The following HACE1 variants were observed in gnomAD, a reference collection of about 807,000 sequenced individuals.
HACE1 encodes E3 ubiquitin-protein ligase HACE1.
HACE1 carries 73 observed loss-of-function variants against 118.4 expected under a neutral mutation model. The ratio of observed to expected loss-of-function variants is 0.62; its 90% confidence interval spans 0.51 to 0.75. HACE1 has a LOEUF of 0.75. Ranked by LOEUF, HACE1 falls within the 30% of genes least tolerant of loss-of-function variation. The pLI, the probability that HACE1 is intolerant of heterozygous loss-of-function variation, is 0.00. For synonymous variants in HACE1, 368 were observed against 374.8 expected, an observed-to-expected ratio of 0.98 and a Z score of 0.21; for missense variants, 749 against 1,102.2, an observed-to-expected ratio of 0.68 and a Z score of 4.54.
chr6:104,768,928 T>A (rs1358934576), intron 19 of HACE1, among the ~76,000 whole-genome samples: 1 of 152,016 alleles, frequency 6.6e-6, no homozygotes. Flanking sequence ...AATACACAAA[T>A]ACAAAAAAAT....
intron 7 of HACE1, among the ~76,000 whole-genome samples, chr6:104,807,712 A>C (rs891775817): frequency 2.0e-5 from 3 of 152,196 alleles, no homozygotes; most frequent in African/African-American, 7.2e-5. Context: ...GGGAAAAAAA[A>C]ATCAATGTGT....
At chr6:104,772,578 T>C (rs1276565805) in intron 17 of HACE1, among the ~76,000 whole-genome samples, 2 of 152,226 alleles carry the variant, frequency 1.3e-5, no homozygotes, top group Non-Finnish European at 1.5e-5. Flanking sequence ...AATGTACAAC[T>C]GCTCTTAAGT....
At position 104,734,597 on chromosome 6, in the gene HACE1, G is replaced by A. The variant is rs932435048; in HGVS notation, c.2514-4181C>T. On this transcript the variant is annotated intron_variant, in intron 22 of 23. Coordinates refer to ENST00000262903, the MANE Select transcript of HACE1 (RefSeq NM_020771.4). ...TTGAAAGGTGAATTCTTCAATCCAA[G>A]GGTGAAGCTAGCTCCGTGTTGTTTC... 5.9e-5 allele frequency among the ~76,000 whole-genome samples: 9 copies of A among 151,932 alleles called. No homozygotes were observed. In the East Asian group the frequency reaches 1.2e-3, roughly 19 times the overall value.
intron 11 of HACE1, chr6:104,785,690 C>G (rs180711639): frequency 3.7e-4 from 64 of 172,256 alleles, no homozygotes; most frequent in Non-Finnish European, 6.8e-4. Context: ...TTAATATGAT[C>G]AATGTCAACC....
chr6:104,822,854 AGT>A, intron 6 of HACE1, among the ~76,000 whole-genome samples: 1 of 152,226 alleles, frequency 6.6e-6, no homozygotes, highest in African/African-American at 2.4e-5. Flanking sequence ...CAAAAAAAAA[AGT>A]AATGGTATTT....
At chr6:104,739,864 A>AT (rs1247576241) in intron 22 of HACE1, among the ~76,000 whole-genome samples, 3 of 151,956 alleles carry the variant, frequency 2.0e-5, no homozygotes, top group Non-Finnish European at 2.9e-5. Flanking sequence ...CAGAATATAC[A>AT]TTTTTTTCAG....
At chr6:104,822,184 G>A (rs1349520490) in intron 6 of HACE1, among the ~76,000 whole-genome samples, 16 of 142,946 alleles carry the variant, frequency 1.1e-4, no homozygotes, top group South Asian at 2.3e-4. Flanking sequence ...AGATCAACAC[G>A]GTGAAACCCC....
chr6:104,744,326 T>A (rs1200965469), intron 21 of HACE1, 96 bp from the exon 22 acceptor site: 1 of 908,528 alleles, frequency 1.1e-6, no homozygotes, highest in Non-Finnish European at 1.9e-6. Flanking sequence ...GCACATTTTA[T>A]TCTACAAAAC....
intron 4 of HACE1, among the ~76,000 whole-genome samples, chr6:104,846,695 A>G (rs528472164): frequency 1.3e-5 from 2 of 152,348 alleles, no homozygotes; most frequent in South Asian, 2.1e-4. Flanking sequence ...CAAAATGGGA[A>G]GAACTCTACT....
chr6:104,747,007 G>C (rs1212535725), intron 20 of HACE1, among the ~76,000 whole-genome samples: 2 of 151,530 alleles, frequency 1.3e-5, no homozygotes, highest in African/African-American at 4.8e-5. Flanking sequence ...TTTTCAAGAA[G>C]AAGAAAAAGA....
intron 17 of HACE1, among the ~76,000 whole-genome samples, chr6:104,776,209 T>C (rs1039772303): frequency 6.6e-6 from 1 of 152,226 alleles, no homozygotes; most frequent in Non-Finnish European, 1.5e-5. Flanking sequence ...TTAGTATACA[T>C]AAATAGATTA....
chr6:104,816,655 C>T (rs1772145261), intron 6 of HACE1, among the ~76,000 whole-genome samples: 1 of 152,176 alleles, frequency 6.6e-6, no homozygotes, highest in East Asian at 1.9e-4. Context: ...GAGTTAGAAC[C>T]CCATACAGGG....
At chr6:104,760,042 T>C (rs538805129) in intron 19 of HACE1, among the ~76,000 whole-genome samples, 1 of 152,282 alleles carries the variant, frequency 6.6e-6, no homozygotes, top group South Asian at 2.1e-4. Flanking sequence ...GGTTCTGAAA[T>C]TGAGGCAATA....
At chr6:104,799,746 G>A (rs1445735582) in intron 7 of HACE1, among the ~76,000 whole-genome samples, 1 of 151,870 alleles carries the variant, frequency 6.6e-6, no homozygotes. Flanking sequence ...AAACAATTTA[G>A]TCTCAAGACT....
intron 14 of HACE1, chr6:104,780,211 T>G: frequency 4.4e-6 from 1 of 225,276 alleles, no homozygotes; most frequent in Non-Finnish European, 9.1e-6. Flanking sequence ...TAAAAACAAA[T>G]GGAACCTTTT....
intron 22 of HACE1, among the ~76,000 whole-genome samples, chr6:104,738,610 T>G (rs9499941): frequency 0.21 from 30,717 of 144,922 alleles, 4,189 homozygotes; most frequent in African/African-American, 0.41. Context: ...AGAAGGGAAG[T>G]TTAGAGAAAA....
intron 20 of HACE1, among the ~76,000 whole-genome samples, chr6:104,748,535 T>G (rs1777691021): frequency 6.6e-6 from 1 of 152,128 alleles, no homozygotes; most frequent in Non-Finnish European, 1.5e-5. Context: ...TCTACTGAAA[T>G]GGGGTACATG....
chr6:104,829,694 G>A (rs1773670472), intron 6 of HACE1, among the ~76,000 whole-genome samples: 1 of 151,986 alleles, frequency 6.6e-6, no homozygotes, highest in African/African-American at 2.4e-5. Context: ...AAATCCTGTT[G>A]GCCATTACAT....
intron 22 of HACE1, among the ~76,000 whole-genome samples, chr6:104,739,420 C>T (rs1776360156): frequency 6.6e-6 from 1 of 151,962 alleles, no homozygotes; most frequent in Non-Finnish European, 1.5e-5. Flanking sequence ...TTCAGGAAAC[C>T]CATCTCACGT....
Sources: gnomAD v4.1 joint callset for allele counts (sites outside exome capture counted in the v4.1 genomes callset) on GRCh38, gnomAD v4.1.1 for gene constraint, MANE v1.5 for transcripts, NCBI Gene and HGNC (gene_info 2026-07-23, HGNC 2026-07-21) for gene names.